Variants in CUL1 observed in about 807,000 individuals in gnomAD.
CUL1 encodes cullin 1, also known as cullin-1.
In CUL1, 24 loss-of-function variants were observed where a neutral mutation model predicts 118.0. The ratio of observed to expected loss-of-function variants is 0.20; its 90% confidence interval spans 0.15 to 0.29. The LOEUF is 0.29. Ranked by LOEUF, CUL1 falls within the 10% of genes least tolerant of loss-of-function variation. The pLI is 1.00. For missense variants in CUL1, 361 were observed against 933.8 expected (o/e 0.39, Z 7.99); for synonymous variants, 332 against 340.4 (o/e 0.98, Z 0.27).
At chr7:148,738,024 ATTCTG>A (rs1023060174) in intron 2 of CUL1, among the ~76,000 whole-genome samples, 1 of 152,182 alleles carries the variant, frequency 6.6e-6, no homozygotes, top group African/African-American at 2.4e-5. Flanking sequence ...GTAGGAAGTG[ATTCTG>A]TTCTGTTTAG....
intron 9 of CUL1, among the ~76,000 whole-genome samples, chr7:148,768,213 A>T (rs961199227): frequency 6.6e-6 from 1 of 152,096 alleles, no homozygotes; most frequent in Non-Finnish European, 1.5e-5. Context: ...CCAGGGCTAC[A>T]TAGAATATTC....
intron 9 of CUL1, among the ~76,000 whole-genome samples, chr7:148,768,454 G>C (rs963705437): frequency 7.1e-6 from 1 of 140,196 alleles, no homozygotes; most frequent in African/African-American, 2.7e-5. Context: ...GTGCCATCTC[G>C]GCTCACTGCA....
intron 2 of CUL1, among the ~76,000 whole-genome samples, chr7:148,739,570 T>C (rs1404383044): frequency 6.6e-6 from 1 of 152,222 alleles, no homozygotes; most frequent in Non-Finnish European, 1.5e-5. Context: ...GCCTCCTGTT[T>C]TTTCCATTTT....
At chr7:148,798,750 G>A (rs371340302) in intron 20 of CUL1, 73 bp downstream of exon 20, 3 of 1,187,632 alleles carry the variant, frequency 2.5e-6, no homozygotes, top group Non-Finnish European at 3.8e-6. Flanking sequence ...CGGGCCGTGG[G>A]GGGTAGGCGG....
chr7:148,709,910 C>T (rs1797998098), intron 1 of CUL1, among the ~76,000 whole-genome samples: 1 of 151,960 alleles, frequency 6.6e-6, no homozygotes, highest in Admixed American at 6.6e-5. Context: ...TAGTGAAACC[C>T]CATCTGTACA....
chr7:148,755,376 T>C (rs1003606848), intron 3 of CUL1, among the ~76,000 whole-genome samples: 3 of 152,232 alleles, frequency 2.0e-5, no homozygotes, highest in African/African-American at 4.8e-5. Flanking sequence ...ATTTTAAATA[T>C]TTTTTATTTA....
chr7:148,786,859 C>T (rs59569649), intron 12 of CUL1, 130 bp from the exon 13 acceptor site: 51 of 1,220,022 alleles, frequency 4.2e-5, no homozygotes, highest in Admixed American at 2.2e-4. Context: ...CCATCATAAA[C>T]GTTGGCGTAC....
chr7:148,792,551 T>C (rs1451165124), intron 16 of CUL1, among the ~76,000 whole-genome samples, 175 bp from the exon 17 acceptor site: 1 of 152,278 alleles, frequency 6.6e-6, no homozygotes, highest in Admixed American at 6.5e-5. Flanking sequence ...AATGTTGCAT[T>C]GTAGTGGCAT....
intron 9 of CUL1, among the ~76,000 whole-genome samples, chr7:148,781,079 A>ATTTTTTTTTTTTTTTTTTT (rs1197920664): frequency 1.1e-5 from 1 of 93,732 alleles, no homozygotes; most frequent in African/African-American, 4.6e-5. Flanking sequence ...TCAAGGCCAG[A>ATTTTTTTTTTTTTTTTTTT]TTTTTTTTTT....
At position 148,715,360 on chromosome 7, in the gene CUL1, G is replaced by A. The variant is rs146370620; in HGVS notation, c.-161-14602G>A. On this transcript the variant is annotated intron_variant, in intron 1 of 21. Coordinates refer to ENST00000325222, the MANE Select transcript of CUL1 (RefSeq NM_003592.3). ...AGCCAGGTTTCATTGCTTTCTACTC[G>A]TTCAGAGCTATGTTCTTGAAGGCCG... is the stretch of plus-strand genomic sequence containing the variant. Among the ~76,000 whole-genome samples the A allele has an allele frequency of 6.6e-5, 10 of 152,158 alleles. No homozygotes were observed. The East Asian group carries it at 1.6e-3, about 24-fold the overall frequency.
intron 9 of CUL1, among the ~76,000 whole-genome samples, chr7:148,776,899 AACTT>A (rs1192069644): frequency 4.6e-5 from 7 of 152,200 alleles, no homozygotes; most frequent in Admixed American, 1.3e-4. Flanking sequence ...TTTCAGAACT[AACTT>A]AATTATTCCT....
chr7:148,727,827 TGA>T (rs1457473542), intron 1 of CUL1, among the ~76,000 whole-genome samples: 3 of 151,962 alleles, frequency 2.0e-5, no homozygotes, highest in African/African-American at 7.3e-5. Flanking sequence ...TGAGGTTTTG[TGA>T]GAGGCAAATG....
chr7:148,769,108 G>A (rs1199739149), intron 9 of CUL1, among the ~76,000 whole-genome samples: 1 of 152,072 alleles, frequency 6.6e-6, no homozygotes, highest in Admixed American at 6.5e-5. Flanking sequence ...TCGGATCTCA[G>A]CTCCACCATT....
chr7:148,786,273 ACTT>A (rs1275047716), intron 11 of CUL1, among the ~76,000 whole-genome samples: 11 of 152,224 alleles, frequency 7.2e-5, no homozygotes, highest in Non-Finnish European at 1.3e-4. Flanking sequence ...TTAAAGGCAA[ACTT>A]CTTCAGAATG....
chr7:148,790,015 C>T (rs990459163), intron 15 of CUL1, among the ~76,000 whole-genome samples, 189 bp downstream of exon 15: 7 of 152,254 alleles, frequency 4.6e-5, no homozygotes, highest in African/African-American at 1.7e-4. Flanking sequence ...TAAAGGTGGG[C>T]TGTCTGTCCC....
chr7:148,709,367 T>C (rs921959763), intron 1 of CUL1, among the ~76,000 whole-genome samples: 1 of 152,220 alleles, frequency 6.6e-6, no homozygotes, highest in Non-Finnish European at 1.5e-5. Context: ...ATTTGCAGTT[T>C]TGATGTGTAC....
At chr7:148,737,947 G>T (rs371440130) in intron 2 of CUL1, among the ~76,000 whole-genome samples, 9 of 152,140 alleles carry the variant, frequency 5.9e-5, no homozygotes, top group African/African-American at 2.2e-4. Context: ...GTCTTTCCAT[G>T]TGATTTTAAT....
chr7:148,795,315 A>G (rs1801148827), intron 17 of CUL1, among the ~76,000 whole-genome samples: 1 of 151,706 alleles, frequency 6.6e-6, no homozygotes. Context: ...TATTTTTTGT[A>G]GAGATGGTGT....
intron 2 of CUL1, among the ~76,000 whole-genome samples, chr7:148,738,939 G>T (rs1333942340): frequency 1.3e-5 from 2 of 152,176 alleles, no homozygotes; most frequent in Non-Finnish European, 2.9e-5. Context: ...GAGGCAACAG[G>T]TGGTGAGTGT....
Sources: gnomAD v4.1 joint callset for allele counts (sites outside exome capture counted in the v4.1 genomes callset) on GRCh38, gnomAD v4.1.1 for gene constraint, MANE v1.5 for transcripts, NCBI Gene and HGNC (gene_info 2026-07-23, HGNC 2026-07-21) for gene names.